Variants in PTPRD observed in about 807,000 individuals in gnomAD.
PTPRD encodes the protein receptor-type tyrosine-protein phosphatase delta.
In PTPRD, 34 loss-of-function variants were observed where a neutral mutation model predicts 214.5. That is an observed-to-expected ratio of 0.16 (90% CI 0.12 to 0.21). The LOEUF is 0.21. Among genes scored for constraint, PTPRD ranks in the 10% least tolerant of loss-of-function variants. The pLI, the probability that PTPRD is intolerant of heterozygous loss-of-function variation, is 1.00. For missense variants in PTPRD, 2,545 were observed against 2,398.7 expected, an observed-to-expected ratio of 1.06 and a Z score of -1.27; for synonymous variants, 1,128 against 845.7, an observed-to-expected ratio of 1.33 and a Z score of -5.79.
intron 11 of PTPRD, among the ~76,000 whole-genome samples, chr9:8,968,391 T>C (rs1369089759): frequency 6.6e-6 from 1 of 151,880 alleles, no homozygotes; most frequent in Non-Finnish European, 1.5e-5. Flanking sequence ...AGTGTTCCTA[T>C]TTCTCCACAT....
intron 7 of PTPRD, among the ~76,000 whole-genome samples, chr9:9,628,300 C>T (rs1230766426): frequency 6.6e-6 from 1 of 152,182 alleles, no homozygotes; most frequent in African/African-American, 2.4e-5. Flanking sequence ...TAGTTTTGCT[C>T]TTACAGGGGC....
chr9:9,676,565 T>C (rs1339344617), intron 7 of PTPRD, among the ~76,000 whole-genome samples: 3 of 152,138 alleles, frequency 2.0e-5, no homozygotes, highest in Admixed American at 2.0e-4. Flanking sequence ...TTTGTTATTG[T>C]GAATAGTGCT....
chr9:9,940,380 T>C (rs2091103101), intron 4 of PTPRD, among the ~76,000 whole-genome samples: 1 of 152,044 alleles, frequency 6.6e-6, no homozygotes, highest in Non-Finnish European at 1.5e-5. Context: ...GTCAATGAAC[T>C]CCATCAGGCT....
intron 9 of PTPRD, among the ~76,000 whole-genome samples, chr9:9,233,596 T>C (rs1157750771): frequency 6.6e-6 from 1 of 152,218 alleles, no homozygotes; most frequent in Non-Finnish European, 1.5e-5. Context: ...CTCTTCTGCC[T>C]ATTAGCCTGT....
chr9:8,619,145 T>C (rs35703786), intron 14 of PTPRD, among the ~76,000 whole-genome samples: 24,283 of 151,974 alleles, frequency 0.16, 2,685 homozygotes, highest in Non-Finnish European at 0.24. Context: ...CATTGTGAAA[T>C]AGTTAAATCT....
chr9:8,853,505 G>C (rs2097857231), intron 11 of PTPRD, among the ~76,000 whole-genome samples: 2 of 152,176 alleles, frequency 1.3e-5, no homozygotes, highest in Admixed American at 6.5e-5. Flanking sequence ...CTACCAATTA[G>C]AAGCAAATGA....
chr9:9,092,082 AG>A (rs1004120644), intron 10 of PTPRD, among the ~76,000 whole-genome samples: 9 of 152,340 alleles, frequency 5.9e-5, no homozygotes, highest in African/African-American at 2.2e-4. Context: ...GACATGGTGA[AG>A]GTTTATAATG....
Position 9,043,009 on chromosome 9 carries a change from A to T in PTPRD, c.-142-24274T>A, listed in dbSNP as rs139178283. On this transcript the variant is annotated intron_variant, in intron 10 of 45. Coordinates refer to ENST00000381196, the MANE Select transcript of PTPRD (RefSeq NM_002839.4). ...GAAGCTGAAGGCAATCTTATCTGTTACCAAACTTCATTTGCTCCTGCACAT... is the reference window on the plus strand; with the variant it reads ...GAAGCTGAAGGCAATCTTATCTGTTTCCAAACTTCATTTGCTCCTGCACAT... Among the ~76,000 whole-genome samples the T allele has an allele frequency of 3.9e-3, 589 of 152,286 alleles. 1 individual carries two copies. The highest frequency in any genetic ancestry group is 0.013 in the African/African-American group (530 of 41,568).
At chr9:9,386,815 G>A (rs1490830261) in intron 9 of PTPRD, among the ~76,000 whole-genome samples, 1 of 152,012 alleles carries the variant, frequency 6.6e-6, no homozygotes, top group Non-Finnish European at 1.5e-5. Flanking sequence ...GAGGCTTCAT[G>A]GACATTTGGA....
At chr9:10,317,258 G>T (rs1317143069) in intron 3 of PTPRD, among the ~76,000 whole-genome samples, 3 of 151,848 alleles carry the variant, frequency 2.0e-5, no homozygotes, top group African/African-American at 7.2e-5. Context: ...AATTTAATTA[G>T]TTAATTAGAT....
At position 10,360,825 on chromosome 9, in the gene PTPRD, A is replaced by G. The variant is rs111600062; in HGVS notation, c.-599-19808T>C. ...TCCTGTAAAATTTGTCATTAAGGCC[A>G]GGCGCGGTGGCTCACGCCTGTAATC... On this transcript the variant is annotated intron_variant, in intron 2 of 45. Transcript: ENST00000381196. Among the ~76,000 whole-genome samples the G allele has an allele frequency of 6.9e-3, 1,051 of 152,242 alleles. 13 individuals are homozygous for G. Among genetic ancestry groups the G allele is most frequent in the East Asian group, 0.028 (144 of 5,166 alleles).
intron 2 of PTPRD, among the ~76,000 whole-genome samples, chr9:10,564,353 G>C (rs1386121134): frequency 6.7e-6 from 1 of 150,190 alleles, no homozygotes; most frequent in South Asian, 2.1e-4. Context: ...CCGTTTTCCA[G>C]TGAACTATAT....
chr9:9,805,420 G>T (rs924742914), intron 5 of PTPRD, among the ~76,000 whole-genome samples: 5 of 152,080 alleles, frequency 3.3e-5, no homozygotes, highest in Admixed American at 6.6e-5. Context: ...GAGTTCAAAC[G>T]CAAGGTGATT....
At chr9:8,661,388 T>A (rs1241807140) in intron 12 of PTPRD, among the ~76,000 whole-genome samples, 1 of 152,008 alleles carries the variant, frequency 6.6e-6, no homozygotes, top group Admixed American at 6.6e-5. Context: ...GTTGTATTTA[T>A]AGTGGGGGCA....
intron 3 of PTPRD, among the ~76,000 whole-genome samples, chr9:10,207,322 T>G (rs2099488239): frequency 6.6e-6 from 1 of 152,146 alleles, no homozygotes; most frequent in African/African-American, 2.4e-5. Flanking sequence ...GTTTTGTATA[T>G]ATCAACAGTT....
chr9:9,392,062 C>T (rs538170138), intron 9 of PTPRD, among the ~76,000 whole-genome samples: 3 of 152,164 alleles, frequency 2.0e-5, no homozygotes, highest in South Asian at 4.1e-4. Flanking sequence ...GTCCTAGAGA[C>T]AAATATTCTC....
intron 30 of PTPRD, among the ~76,000 whole-genome samples, chr9:8,474,808 T>A (rs550089556): frequency 5.9e-5 from 9 of 152,356 alleles, no homozygotes; most frequent in Admixed American, 5.9e-4. Context: ...TATCTAGATC[T>A]GTAAACAAAC....
intron 8 of PTPRD, among the ~76,000 whole-genome samples, chr9:9,454,142 TA>T (rs5896335): frequency 0.072 from 11,006 of 151,862 alleles, 471 homozygotes; most frequent in Middle Eastern, 0.099. Flanking sequence ...TATCCATTTT[TA>T]AAAGCCTAAA....
chr9:10,089,057 A>C (rs1306636016), intron 3 of PTPRD, among the ~76,000 whole-genome samples: 1 of 151,558 alleles, frequency 6.6e-6, no homozygotes, highest in Non-Finnish European at 1.5e-5. Flanking sequence ...AAGATTTAAA[A>C]AATTAGCCAG....
Sources: gnomAD v4.1 joint callset for allele counts (sites outside exome capture counted in the v4.1 genomes callset) on GRCh38, gnomAD v4.1.1 for gene constraint, MANE v1.5 for transcripts, NCBI Gene and HGNC (gene_info 2026-07-23, HGNC 2026-07-21) for gene names.